The following USP48 variants were observed in gnomAD, a reference collection of about 807,000 sequenced individuals.
USP48 encodes ubiquitin specific peptidase 48, also known as ubiquitin carboxyl-terminal hydrolase 48.
In USP48, 43 loss-of-function variants were observed where a neutral mutation model predicts 150.7. The observed-to-expected ratio is 0.29, with a 90% CI of 0.22 to 0.37. The LOEUF (loss-of-function observed/expected upper bound fraction) is 0.37. Ranked by LOEUF, USP48 falls within the 10% of genes least tolerant of loss-of-function variation. USP48 has a pLI of 1.00. For synonymous variants in USP48, 396 were observed against 425.9 expected (o/e 0.93, Z 0.86); for missense variants, 813 against 1,249.6 (o/e 0.65, Z 5.27).
chr1:21,706,043 A>C, intron 18 of USP48, 83 bp downstream of exon 18: 1 of 1,447,476 alleles, frequency 6.9e-7, no homozygotes, highest in Non-Finnish European at 9.6e-7. Context: ...GGGTACAACA[A>C]ACAGAATCCA....
intron 8 of USP48, among the ~76,000 whole-genome samples, chr1:21,744,013 T>A (rs2097788097): frequency 6.6e-6 from 1 of 152,156 alleles, no homozygotes; most frequent in Non-Finnish European, 1.5e-5. Flanking sequence ...GTATTCCCTA[T>A]ATCATTAATG....
At chr1:21,688,179 A>C (rs954415828) in intron 24 of USP48, among the ~76,000 whole-genome samples, 1 of 152,172 alleles carries the variant, frequency 6.6e-6, no homozygotes, top group Non-Finnish European at 1.5e-5. Context: ...TTAGGCCCTT[A>C]GGGAGGGTAG....
intron 11 of USP48, chr1:21,727,717 A>G (rs2097742892): frequency 1.2e-5 from 3 of 259,142 alleles, no homozygotes; most frequent in Non-Finnish European, 1.8e-5. Context: ...ACAGATTACA[A>G]AGAAGGGTCA....
intron 9 of USP48, among the ~76,000 whole-genome samples, chr1:21,734,464 T>C (rs188452699): frequency 6.6e-6 from 1 of 152,286 alleles, no homozygotes; most frequent in East Asian, 1.9e-4. Context: ...TTCTCCAAGC[T>C]ACATGAATGG....
At chr1:21,732,010 A>T (rs186668019) in intron 9 of USP48, among the ~76,000 whole-genome samples, 2 of 152,366 alleles carry the variant, frequency 1.3e-5, no homozygotes, top group East Asian at 3.9e-4. Context: ...ATTGGGTTTC[A>T]GCGTTCCAGG....
intron 9 of USP48, among the ~76,000 whole-genome samples, chr1:21,732,305 G>T (rs148880503): frequency 3.3e-5 from 5 of 152,064 alleles, no homozygotes; most frequent in South Asian, 2.1e-4. Context: ...GTTATGGGCA[G>T]TTCTAAGGAA....
intron 9 of USP48, 25 bp from the exon 10 acceptor site, chr1:21,729,857 C>T (rs766616750): frequency 2.5e-6 from 4 of 1,613,570 alleles, no homozygotes; most frequent in South Asian, 1.1e-5. Flanking sequence ...TCAAAAGGTA[C>T]CTTAACTTAA....
intron 8 of USP48, among the ~76,000 whole-genome samples, chr1:21,739,595 G>A (rs1376581863): frequency 6.9e-6 from 1 of 144,156 alleles, no homozygotes; most frequent in Non-Finnish European, 1.5e-5. Context: ...TGTTTGATAT[G>A]TTTACATCAT....
At chr1:21,686,878 A>G (rs2097581700) in intron 25 of USP48, 2 of 314,206 alleles carry the variant, frequency 6.4e-6, no homozygotes, top group South Asian at 9.9e-5. Context: ...CCACCTTCAG[A>G]GGTACCTAGG....
chr1:21,693,087 T>G (rs751493056), intron 23 of USP48, among the ~76,000 whole-genome samples: 1 of 152,008 alleles, frequency 6.6e-6, no homozygotes, highest in Non-Finnish European at 1.5e-5. Flanking sequence ...ATAGAAGCGA[T>G]CGCCTCAGCT....
chr1:21,697,382 G>GA (rs2152508376), intron 22 of USP48, among the ~76,000 whole-genome samples: 3 of 152,176 alleles, frequency 2.0e-5, no homozygotes, highest in African/African-American at 4.8e-5. Context: ...GAAAAGGTCA[G>GA]GCCAGGCGTG....
Position 21,706,633 on chromosome 1 carries a change from A to G in USP48, c.2089-44T>C, listed in dbSNP as rs767130697. The stretch of plus-strand genomic sequence containing the variant: ...ATCAACTGTCTCCTGCTGACAGCAC[A>G]TGACCTGCCTCCTCCCTACACCCCC... On this transcript the variant is annotated intron_variant, in intron 16 of 26. Transcript: ENST00000308271. The G allele has an allele frequency of 1.2e-5, 20 of 1,613,716 alleles. 1 individual carries two copies. The South Asian group carries it at 2.0e-4, about 16-fold the overall frequency.
chr1:21,724,389 T>C, intron 11 of USP48: 1 of 570,952 alleles, frequency 1.8e-6, no homozygotes, highest in Non-Finnish European at 3.1e-6. Context: ...TCTTGCCGAA[T>C]AGCACAGCAG....
intron 15 of USP48, among the ~76,000 whole-genome samples, chr1:21,707,422 T>C (rs980998464): frequency 6.6e-6 from 1 of 152,252 alleles, no homozygotes; most frequent in Non-Finnish European, 1.5e-5. Flanking sequence ...AAACAGAAGA[T>C]AAAGCAATCT....
chr1:21,707,867 G>A (rs2097677312), intron 15 of USP48, among the ~76,000 whole-genome samples: 1 of 152,134 alleles, frequency 6.6e-6, no homozygotes, highest in African/African-American at 2.4e-5. Context: ...GCTGGGATAC[G>A]AAACCAGGTC....
chr1:21,763,446 C>G (rs184341705), intron 1 of USP48, among the ~76,000 whole-genome samples: 8 of 152,340 alleles, frequency 5.3e-5, no homozygotes, highest in Admixed American at 5.2e-4. Context: ...CTAAGCCTTT[C>G]ATACATAGCC....
At chr1:21,711,251 C>T (rs1385068183) in intron 15 of USP48, among the ~76,000 whole-genome samples, 1 of 152,124 alleles carries the variant, frequency 6.6e-6, no homozygotes, top group East Asian at 1.9e-4. Flanking sequence ...TGCTACACTG[C>T]AGTACTGTCC....
chr1:21,731,466 G>C (rs58130326), intron 9 of USP48, among the ~76,000 whole-genome samples: 6,109 of 151,772 alleles, frequency 0.04, 307 homozygotes, highest in African/African-American at 0.12. Flanking sequence ...GATTTACCAC[G>C]TTGGCCAGGC....
chr1:21,752,136 A>G (rs149342339), intron 5 of USP48, among the ~76,000 whole-genome samples: 6 of 152,324 alleles, frequency 3.9e-5, no homozygotes, highest in Admixed American at 2.0e-4. Context: ...TTACATGAAT[A>G]TATCGCACTG....
Sources: allele counts gnomAD v4.1 joint callset (sites outside exome capture counted in the v4.1 genomes callset), GRCh38; gene constraint gnomAD v4.1.1; transcripts MANE v1.5; gene names NCBI Gene and HGNC (gene_info 2026-07-23, HGNC 2026-07-21).